TECTB: variants seen among roughly 807,000 people sequenced by gnomAD.
TECTB encodes the protein tectorin beta.
A neutral mutation model predicts 43.3 loss-of-function variants in TECTB; 45 were observed. The ratio of observed to expected loss-of-function variants is 1.04; its 90% CI spans 0.82 to 1.33. The LOEUF (loss-of-function observed/expected upper bound fraction) is 1.33, where lower values mean the gene tolerates loss of function less well. TECTB is among the 40% of genes most tolerant of loss of function. The probability of loss-of-function intolerance (pLI) is 0.00; values close to 1 mark genes in which losing one functional copy is unlikely to be tolerated. For missense variants in TECTB, 399 were observed against 404.7 expected (o/e 0.99, Z 0.12); for synonymous variants, 169 against 156.7 (o/e 1.08, Z -0.59).
intron 9 of TECTB, among the ~76,000 whole-genome samples, chr10:112,300,217 AGAC>A: frequency 9.7e-6 from 1 of 102,882 alleles, no homozygotes; most frequent in Non-Finnish European, 2.1e-5. Context: ...ACAGACAGAC[AGAC>A]AGAAAGAAAT....
intron 9 of TECTB, 135 bp from the exon 10 acceptor site, chr10:112,301,966 C>G (rs1248317276): frequency 8.0e-6 from 8 of 1,001,320 alleles, no homozygotes; most frequent in Non-Finnish European, 1.2e-5. Context: ...CCACCTGGGC[C>G]TCCCAAAGTG....
chr10:112,286,070 G>C lies in TECTB; in HGVS notation c.268-1G>C. ...CCTGACTGTCTCCTTTCTTTGTCCA[G>C]TACAAGCCACCTATCTATCACTTCT... On this transcript the variant is annotated splice_acceptor_variant, in intron 3 of 10. Coordinates refer to ENST00000646139, the MANE Select transcript of TECTB (RefSeq NM_058222.3). LOFTEE classifies it high-confidence loss of function. 1 of 1,614,048 alleles carries C rather than the reference G, an allele frequency of 6.2e-7. No homozygotes were observed. The highest frequency in any genetic ancestry group is 8.5e-7 in the Non-Finnish European group (1 of 1,179,950).
chr10:112,293,839 T>C lies in TECTB; in HGVS notation c.585T>C (p.Ile195=). The part of the protein sequence containing the change: ...FAGVEAKGLS[I]RFKVVLNSCW... ...GAGTGGAAGCCAAAGGGTTAAGCAT[T>C]AGGTAAGTACATTTCCTCCAAGTTT... Residue 195 remains isoleucine, a splice_region_variant and synonymous_variant, in exon 6 of 11, where the codon ATT becomes ATC. Transcript: ENST00000646139. 1 of 1,613,964 alleles carries C rather than the reference T, an allele frequency of 6.2e-7. No homozygotes were observed. Among genetic ancestry groups the C allele is most frequent in the South Asian group, 1.1e-5 (1 of 91,068 alleles).
chr10:112,286,512 A>G, intron 5 of TECTB, 121 bp downstream of exon 5: 2 of 1,084,706 alleles, frequency 1.8e-6, no homozygotes, highest in Non-Finnish European at 2.6e-6. Flanking sequence ...CTTAAATTCA[A>G]GTTGAAACAT....
rs1564710147 is a variant in TECTB, at chr10:112,299,582, C to T, written c.907+18C>T. ...CCTGCGGAGTAAGCGTCTCTGTTTT[C>T]CTCTGTTTTCCAAACGGTTGAGTTC... On this transcript the variant is annotated intron_variant, in intron 9 of 10. Transcript: ENST00000646139. 3.7e-6 allele frequency: 1 copy of T among 270,010 alleles called. No individual in the cohort carries two copies. The allele number at this position is 270,010 out of a possible 1,614,324, so 16.7% of individuals were successfully genotyped here. A position where few individuals can be genotyped will look rare whatever the true frequency, so the allele number is the denominator to read the frequency against.
chr10:112,299,418 C>G, intron 8 of TECTB, 74 bp from the exon 9 acceptor site: 2 of 1,421,298 alleles, frequency 1.4e-6, no homozygotes, highest in South Asian at 2.3e-5. Flanking sequence ...TCTTTTCTTT[C>G]TCTTTTCTCC....
At position 112,293,727 on chromosome 10, in the gene TECTB, T is replaced by G; in HGVS notation, c.484-11T>G. 2 of 1,612,526 alleles carry G rather than the reference T, an allele frequency of 1.2e-6. No individual in the cohort carries two copies. Among genetic ancestry groups the G allele is most frequent in the Non-Finnish European group, 1.7e-6 (2 of 1,178,548 alleles). On this transcript the variant is annotated splice_polypyrimidine_tract_variant and intron_variant, in intron 5 of 10. Transcript: ENST00000646139. ...GAGTTCATAATGCCCAGTGTCAATT[T>G]CCTTCCAAAGAATGCCAAGTTCTCC...
chr10:112,286,367 C>A lies in TECTB; in HGVS notation c.459C>A (p.Ser153Arg). 1 of 1,609,686 alleles carries A rather than the reference C, an allele frequency of 6.2e-7. No individual in the cohort carries two copies. Among genetic ancestry groups the A allele is most frequent in the African/African-American group, 1.3e-5 (1 of 74,978 alleles). Residue 153 changes from serine to arginine, a missense_variant, in exon 5 of 11, where the codon AGC becomes AGA. Transcript: ENST00000646139. ...VKNGSMGTFE[S>R]QLSLNFYTNA... is the part of the protein sequence containing the mutation. The stretch of plus-strand genomic sequence containing the variant: ...ACGGGAGCATGGGCACATTTGAGAG[C>A]CAACTGTCTCTCAACTTCTACACTG...
At chr10:112,292,725 T>A (rs1368577784) in intron 5 of TECTB, among the ~76,000 whole-genome samples, 1 of 152,172 alleles carries the variant, frequency 6.6e-6, no homozygotes, top group Non-Finnish European at 1.5e-5. Context: ...ACTACAAGTG[T>A]GAGCCACAGC....
intron 7 of TECTB, 125 bp downstream of exon 7, chr10:112,294,186 A>G: frequency 3.8e-6 from 3 of 783,812 alleles, no homozygotes; most frequent in South Asian, 3.2e-5. Context: ...CAGTGACACC[A>G]TCTGTGGTTC....
chr10:112,295,331 G>GATAGGTGTTTTACAAATATTAATT (rs1361389945), intron 7 of TECTB, among the ~76,000 whole-genome samples: 1 of 152,164 alleles, frequency 6.6e-6, no homozygotes, highest in Non-Finnish European at 1.5e-5. Context: ...CATTGTTCTA[G>GATAGGTGTTTTACAAATATTAATT]ATAGGTGTTT....
rs946093377 is a variant in TECTB at position 112,285,153 on chromosome 10, G to A, written c.267+428G>A. Among the ~76,000 whole-genome samples, 7 of 152,196 alleles carry A rather than the reference G, an allele frequency of 4.6e-5. No individual in the cohort carries two copies. The South Asian group carries it at 6.2e-4, about 14-fold the overall frequency. On this transcript the variant is annotated intron_variant, in intron 3 of 10. Coordinates refer to ENST00000646139, the MANE Select transcript of TECTB (RefSeq NM_058222.3). Reference sequence around the variant, plus strand: ...ACCAATGTATAATACAACTTCTAACGCAGTCTTGTGAAGTGCCCAGGATGG... The same window carrying A: ...ACCAATGTATAATACAACTTCTAACACAGTCTTGTGAAGTGCCCAGGATGG...
At position 112,304,410 on chromosome 10, in the gene TECTB, T is replaced by C. The variant is rs1848635968; in HGVS notation, c.*1098T>C. The C allele has an allele frequency of 6.6e-6, 1 of 152,240 alleles. No homozygotes were observed. The highest frequency in any genetic ancestry group is 6.5e-5 in the Admixed American group (1 of 15,280). 9.4% of individuals were successfully genotyped at this position (152,240 alleles called of 1,614,324 possible). A position where few individuals can be genotyped will look rare whatever the true frequency, so the allele number is the denominator to read the frequency against. On this transcript the variant is annotated 3_prime_UTR_variant, in exon 11 of 11. Transcript: ENST00000646139. ...AATGAAAGCATGCAGTAGCACATCTTGGTAACTGGCCACCCCAGTGATCCA... is the reference window on the plus strand; with the variant it reads ...AATGAAAGCATGCAGTAGCACATCTCGGTAACTGGCCACCCCAGTGATCCA...
chr10:112,299,450 ACCTT>A (rs899699418), intron 8 of TECTB, 38 bp from the exon 9 acceptor site: 9 of 1,604,946 alleles, frequency 5.6e-6, no homozygotes, highest in Non-Finnish European at 7.7e-6. Flanking sequence ...GCATCATCCC[ACCTT>A]CCCCGCTTCT....
chr10:112,298,313 T>C, intron 8 of TECTB, 82 bp downstream of exon 8: 2 of 1,525,934 alleles, frequency 1.3e-6, no homozygotes, highest in African/African-American at 1.4e-5. Flanking sequence ...GGGGAGATCA[T>C]AACCAGGCCA....
intron 5 of TECTB, among the ~76,000 whole-genome samples, chr10:112,288,967 C>T (rs1844605073): frequency 1.3e-5 from 2 of 152,334 alleles, no homozygotes; most frequent in South Asian, 4.1e-4. Flanking sequence ...CAACAGACCA[C>T]TAGTTTGAAG....
intron 3 of TECTB, among the ~76,000 whole-genome samples, 155 bp from the exon 4 acceptor site, chr10:112,285,916 C>T (rs1436795009): frequency 6.6e-6 from 1 of 152,176 alleles, no homozygotes; most frequent in Non-Finnish European, 1.5e-5. Context: ...ATCAGCTCAC[C>T]CGCAGACAAG....
At position 112,299,522 on chromosome 10, in the gene TECTB, G is replaced by A. The variant is rs763907318; in HGVS notation, c.865G>A (p.Asp289Asn). 1.2e-5 allele frequency: 20 copies of A among 1,614,120 alleles called. No individual in the cohort carries two copies. In the East Asian group the frequency reaches 4.5e-4, roughly 36 times the overall value. The change falls in exon 9 of 11, where the codon GAC becomes AAC. Residue 289 changes from aspartate (D) to asparagine (N), a missense_variant. By Grantham distance (23) the Asp-to-Asn change is conservative (BLOSUM62 1). Transcript: ENST00000646139. ...CGATAAACGGAAGCGCCTCCTGCGA[G>A]ACCAGACCGGGGGAGTCCTGGTCGT... ...TCDKRKRLLRDQTGGVLVVEL... is the reference protein window; with the variant it reads ...TCDKRKRLLRNQTGGVLVVEL...
At chr10:112,292,369 T>A (rs1265303253) in intron 5 of TECTB, among the ~76,000 whole-genome samples, 1 of 152,128 alleles carries the variant, frequency 6.6e-6, no homozygotes, top group East Asian at 1.9e-4. Context: ...TGTGCTCACA[T>A]CGTGGTGTTG....
Sources: allele counts gnomAD v4.1 joint callset (sites outside exome capture counted in the v4.1 genomes callset), GRCh38; gene constraint gnomAD v4.1.1; transcripts MANE v1.5; gene names NCBI Gene and HGNC (gene_info 2026-07-23, HGNC 2026-07-21).